CERKL: variants seen among roughly 807,000 people sequenced by gnomAD.
CERKL encodes the protein CERK like autophagy regulator.
CERKL carries 61 observed loss-of-function variants against 63.4 expected under a neutral mutation model. The observed-to-expected ratio is 0.96, with a 90% confidence interval of 0.78 to 1.19. The LOEUF (loss-of-function observed/expected upper bound fraction) is 1.19, where lower values mean the gene tolerates loss of function less well. CERKL is among the 50% of genes most tolerant of loss of function. The pLI, the probability that CERKL is intolerant of heterozygous loss-of-function variation, is 0.00. For synonymous variants in CERKL, 250 were observed against 230.5 expected, an observed-to-expected ratio of 1.08 and a Z score of -0.77; for missense variants, 675 against 655.5, an observed-to-expected ratio of 1.03 and a Z score of -0.33.
intron 1 of CERKL, among the ~76,000 whole-genome samples, chr2:181,635,653 C>T (rs983931694): frequency 2.0e-5 from 3 of 152,108 alleles, no homozygotes; most frequent in African/African-American, 4.8e-5. Flanking sequence ...CACAGATGGA[C>T]ACTAAACAGT....
At chr2:181,572,314 A>G (rs1688938257) in intron 3 of CERKL, among the ~76,000 whole-genome samples, 1 of 152,154 alleles carries the variant, frequency 6.6e-6, no homozygotes, top group Non-Finnish European at 1.5e-5. Flanking sequence ...TGAATCTCTA[A>G]TAATGTAGAA....
intron 1 of CERKL, among the ~76,000 whole-genome samples, chr2:181,654,149 A>G (rs1469560329): frequency 6.6e-6 from 1 of 151,308 alleles, no homozygotes; most frequent in Admixed American, 6.6e-5. Flanking sequence ...CATTTAAAAT[A>G]TTTCTCTACT....
intron 5 of CERKL, among the ~76,000 whole-genome samples, chr2:181,551,184 C>G (rs190274126): frequency 5.9e-5 from 9 of 152,266 alleles, no homozygotes; most frequent in Non-Finnish European, 4.4e-5. Flanking sequence ...TAGGCATGAT[C>G]TTATTTATTT....
intron 2 of CERKL, among the ~76,000 whole-genome samples, chr2:181,589,962 G>A (rs1684921607): frequency 6.6e-6 from 1 of 151,332 alleles, no homozygotes; most frequent in South Asian, 2.1e-4. Context: ...ACTGGTGCAT[G>A]CTACCACACC....
chr2:181,548,063 T>C (rs538207292), intron 8 of CERKL: 2 of 610,468 alleles, frequency 3.3e-6, no homozygotes, highest in African/African-American at 1.9e-5. Context: ...TTATAAGGAA[T>C]AATAATGTAC....
At chr2:181,552,509 A>G (rs1688030330) in intron 5 of CERKL, among the ~76,000 whole-genome samples, 1 of 152,166 alleles carries the variant, frequency 6.6e-6, no homozygotes, top group Middle Eastern at 3.2e-3. Context: ...CCATGGTTGT[A>G]AGTTTCCTGA....
intron 10 of CERKL, 65 bp from the exon 11 acceptor site, chr2:181,544,861 C>T (rs1687655449): frequency 3.4e-6 from 3 of 893,496 alleles, no homozygotes; most frequent in South Asian, 2.9e-5. Context: ...AAAATTATGA[C>T]ATACTGTTCC....
At chr2:181,617,524 TGTAA>T (rs1042280994) in intron 1 of CERKL, 4 of 152,198 alleles carry the variant, frequency 2.6e-5, no homozygotes, top group African/African-American at 7.2e-5. Flanking sequence ...TTGTAAAACT[TGTAA>T]GTGTGATGAT....
intron 4 of CERKL, chr2:181,565,476 T>G (rs1226730474): frequency 6.2e-7 from 1 of 1,612,194 alleles, no homozygotes; most frequent in Admixed American, 1.7e-5. Flanking sequence ...CTCTGTACAC[T>G]CCAATGTATT....
chr2:181,565,553 T>A (rs1229703005), intron 4 of CERKL: 1 of 1,262,112 alleles, frequency 7.9e-7, no homozygotes, highest in East Asian at 2.3e-5. Flanking sequence ...CATTATGAGA[T>A]AATTAAAATT....
At position 181,537,231 on chromosome 2, in the gene CERKL, G is replaced by GTCTC; in HGVS notation, c.*949_*952dup. 1 of 453,042 alleles carries GTCTC rather than the reference G, an allele frequency of 2.2e-6. No homozygotes were observed. Among genetic ancestry groups the GTCTC allele is most frequent in the Non-Finnish European group, 4.4e-6 (1 of 226,016 alleles). 28.1% of individuals were successfully genotyped at this position (453,042 alleles called of 1,614,324 possible). ...ATTTAGAACTGTCTTCTCCAGGATG[G>GTCTC]TCTCTAAGGAAATTTACATTTGGTT... On this transcript the variant is annotated 3_prime_UTR_variant, in exon 13 of 13. Coordinates refer to ENST00000410087, the MANE Select transcript of CERKL (RefSeq NM_201548.5).
chr2:181,537,412 T>C lies in CERKL; in HGVS notation c.*772A>G, dbSNP rs186858218. Reference sequence around the variant, plus strand: ...GATTTTGCCCAGTTCAAAATAGTATTTGTTATCAACTTACTTTGTTACTTG... The same window carrying C: ...GATTTTGCCCAGTTCAAAATAGTATCTGTTATCAACTTACTTTGTTACTTG... On this transcript the variant is annotated 3_prime_UTR_variant, in exon 13 of 13. Coordinates refer to ENST00000410087, the MANE Select transcript of CERKL (RefSeq NM_201548.5). 6.6e-6 allele frequency: 3 copies of C among 453,996 alleles called. No individual in the cohort carries two copies. The highest frequency in any genetic ancestry group is 7.0e-5 in the East Asian group (1 of 14,382). The allele number at this position is 453,996 out of a possible 1,614,324, so 28.1% of individuals were successfully genotyped here.
intron 1 of CERKL, among the ~76,000 whole-genome samples, chr2:181,631,960 A>G: frequency 6.6e-6 from 1 of 152,352 alleles, no homozygotes; most frequent in Middle Eastern, 3.4e-3. Flanking sequence ...AAGAAAATAT[A>G]TAGTACTAAA....
intron 1 of CERKL, among the ~76,000 whole-genome samples, chr2:181,634,262 C>G (rs1015477824): frequency 6.6e-6 from 1 of 152,002 alleles, no homozygotes. Context: ...ACAGTAGATA[C>G]CACCACAAAA....
intron 1 of CERKL, chr2:181,649,629 T>C (rs1453145406): frequency 6.6e-6 from 1 of 152,232 alleles, no homozygotes; most frequent in African/African-American, 2.4e-5. Flanking sequence ...CAAATGCACA[T>C]GGAACATTCT....
At chr2:181,559,468 T>G (rs909485390) in intron 4 of CERKL, among the ~76,000 whole-genome samples, 1 of 152,138 alleles carries the variant, frequency 6.6e-6, no homozygotes, top group African/African-American at 2.4e-5. Flanking sequence ...GGATTTTGCC[T>G]CAGTGAAAGC....
Position 181,539,117 on chromosome 2 carries a change from C to T in CERKL, c.1513G>A (p.Glu505Lys), listed in dbSNP as rs748514200. 1 of 1,607,046 alleles carries T rather than the reference C, an allele frequency of 6.2e-7. No individual in the cohort carries two copies. The highest frequency in any genetic ancestry group is 8.5e-7 in the Non-Finnish European group (1 of 1,173,854). Residue 505 changes from glutamate (E) to lysine (K), a missense_variant, in exon 12 of 13, where the codon GAA (glutamate) becomes AAA (lysine). Transcript: ENST00000410087. ...FPWNVDGDLM[E>K]VASEVHIRLH... ...CTAATATGGACCTCTGATGCAACTT[C>T]CATTAAGTCACCATCTACATTCCAA...
chr2:181,547,747 T>A, intron 9 of CERKL, 21 bp from the exon 10 acceptor site: 1 of 1,613,516 alleles, frequency 6.2e-7, no homozygotes, highest in Non-Finnish European at 8.5e-7. Flanking sequence ...TGAAAGTGAT[T>A]GGTTATTTTC....
chr2:181,581,465 C>T (rs912523089), intron 2 of CERKL, among the ~76,000 whole-genome samples: 1 of 152,196 alleles, frequency 6.6e-6, no homozygotes, highest in Admixed American at 6.5e-5. Flanking sequence ...ACAACAGGAA[C>T]ATGGTAAGAC....
Sources: gnomAD v4.1 joint callset for allele counts (sites outside exome capture counted in the v4.1 genomes callset) on GRCh38, gnomAD v4.1.1 for gene constraint, MANE v1.5 for transcripts, NCBI Gene and HGNC (gene_info 2026-07-23, HGNC 2026-07-21) for gene names.